Variants in MEPE observed in about 807,000 individuals in gnomAD.
MEPE encodes matrix extracellular phosphoglycoprotein.
Under a neutral mutation model 7.3 loss-of-function variants are expected in MEPE, and 7 were observed. The observed-to-expected ratio is 0.95, with a 90% confidence interval of 0.54 to 1.79. The LOEUF is 1.79. Among genes scored for constraint, MEPE ranks in the 40% most tolerant of loss-of-function variants. MEPE has a pLI of 0.00. For missense variants in MEPE, 623 were observed against 628.2 expected (o/e 0.99, Z 0.09); for synonymous variants, 214 against 213.1 (o/e 1.00, Z -0.04).
Position 87,846,069 on chromosome 4 carries a change from A to G in MEPE, c.1201A>G (p.Lys401Glu). 2 of 1,614,058 alleles carry G rather than the reference A, an allele frequency of 1.2e-6. No homozygotes were observed. The highest frequency in any genetic ancestry group is 1.7e-6 in the Non-Finnish European group (2 of 1,179,962). ...AESTNYNEIPKNGKGSTRKGV... is the reference protein window; with the variant it reads ...AESTNYNEIPENGKGSTRKGV... ...AAGTACCAACTATAATGAAATTCCT[A>G]AAAATGGCAAAGGCAGTACCAGAAA... is the stretch of plus-strand genomic sequence containing the variant. Residue 401 changes from lysine (K) to glutamate (E), a missense_variant, in exon 4 of 4, where the codon AAA (lysine) becomes GAA (glutamate). Transcript: ENST00000361056.
chr4:87,833,381 G>A (rs1363516676), intron 1 of MEPE, among the ~76,000 whole-genome samples: 2 of 152,086 alleles, frequency 1.3e-5, no homozygotes, highest in Non-Finnish European at 2.9e-5. Context: ...CTACTGATGA[G>A]CATTAACTCA....
At chr4:87,829,889 T>G (rs375182868), upstream of MEPE, among the ~76,000 whole-genome samples, 1 of 128,430 alleles carries the variant, frequency 7.8e-6, no homozygotes, top group Non-Finnish European at 1.8e-5. Context: ...TTTTGGACTT[T>G]GCTGAAATTC....
At position 87,844,977 on chromosome 4, in the gene MEPE, C is replaced by T. The variant is rs981122912; in HGVS notation, c.109C>T (p.Gln37Ter). The T allele has an allele frequency of 2.6e-6, 4 of 1,520,870 alleles. No homozygotes were observed. The Admixed American group carries it at 9.3e-5, about 35-fold the overall frequency. 94.2% of individuals were successfully genotyped at this position (1,520,870 alleles called of 1,614,324 possible). The change falls in exon 4 of 4, where the codon CAG becomes TAG. Residue 37 changes from glutamine (Q) to a stop codon, truncating the protein, a stop_gained and splice_region_variant. Transcript: ENST00000361056. LOFTEE classifies it low-confidence loss of function (END_TRUNC). Reference protein sequence around the residue: ...TKQSCVEEQRQEEKNKDNIGF... With the variant: ...TKQSCVEEQR ...CTTCATATTGAAAATTGTATTTTAG[C>T]AGGAAGAAAAAAACAAAGACAATAT...
chr4:87,826,816 C>T (rs981851708), intron 1 of MEPE, among the ~76,000 whole-genome samples: 1 of 152,066 alleles, frequency 6.6e-6, no homozygotes, highest in Non-Finnish European at 1.5e-5. Context: ...TAATTATGTT[C>T]TTTCCCCACT....
chr4:87,839,687 A>G, intron 3 of MEPE: 1 of 1,548,216 alleles, frequency 6.5e-7, no homozygotes, highest in Non-Finnish European at 8.7e-7. Context: ...TTTTGTAGAT[A>G]ACATACAAGG....
intron 3 of MEPE, among the ~76,000 whole-genome samples, chr4:87,841,778 C>T (rs750673035): frequency 3.9e-5 from 6 of 152,164 alleles, no homozygotes; most frequent in Admixed American, 1.3e-4. Context: ...GAACACACAG[C>T]CCGAGGATGA....
At chr4:87,838,792 AGTG>A in intron 3 of MEPE, 107 bp downstream of exon 3, 2 of 943,560 alleles carry the variant, frequency 2.1e-6, no homozygotes, top group Admixed American at 2.3e-5. Context: ...TTTGAATGGA[AGTG>A]AAAAAATATA....
rs534082565 is a variant in MEPE at position 87,838,668 on chromosome 4, T to C, written c.91T>C (p.Cys31Arg). The change falls in exon 3 of 4, where the codon TGT becomes CGT. Residue 31 changes from cysteine (C) to arginine (R), a missense_variant. By Grantham distance (180) the Cys-to-Arg change is radical. Coordinates refer to ENST00000361056, the MANE Select transcript of MEPE (RefSeq NM_020203.6). ...QPQTEKTKQSCVEEQRQEEKN... is the reference protein window; with the variant it reads ...QPQTEKTKQSRVEEQRQEEKN... ...ACAGACTGAGAAAACTAAGCAAAGCTGTGTGGAAGAGCAGAGGGTAAACAG... is the reference window on the plus strand; with the variant it reads ...ACAGACTGAGAAAACTAAGCAAAGCCGTGTGGAAGAGCAGAGGGTAAACAG... 6.2e-7 allele frequency: 1 copy of C among 1,613,572 alleles called. No individual in the cohort carries two copies. Among genetic ancestry groups the C allele is most frequent in the South Asian group, 1.1e-5 (1 of 91,038 alleles).
At chr4:87,831,225 G>C (rs540301798), upstream of MEPE, among the ~76,000 whole-genome samples, 1 of 152,096 alleles carries the variant, frequency 6.6e-6, no homozygotes, top group Non-Finnish European at 1.5e-5. Flanking sequence ...CACTGGAAAG[G>C]CTTATTCTAG....
chr4:87,841,071 C>T (rs1260136340), intron 3 of MEPE, among the ~76,000 whole-genome samples: 1 of 152,128 alleles, frequency 6.6e-6, no homozygotes, highest in Non-Finnish European at 1.5e-5. Flanking sequence ...TAAAATTATT[C>T]TACTCAGTCT....
chr4:87,839,867 T>C, intron 3 of MEPE: 1 of 1,543,574 alleles, frequency 6.5e-7, no homozygotes, highest in Non-Finnish European at 8.7e-7. Context: ...AGTTTACTTT[T>C]GCTTGCTCTG....
intron 1 of MEPE, among the ~76,000 whole-genome samples, chr4:87,826,245 A>T (rs1722462518): frequency 6.7e-6 from 1 of 149,672 alleles, no homozygotes; most frequent in Non-Finnish European, 1.5e-5. Context: ...TTTGAGACAG[A>T]GTCTTACGCT....
At chr4:87,837,559 G>A (rs1722847052) in intron 2 of MEPE, 1 of 152,250 alleles carries the variant, frequency 6.6e-6, no homozygotes. Context: ...TCTTCAGGAA[G>A]AACACTTTCC....
intron 3 of MEPE, among the ~76,000 whole-genome samples, chr4:87,842,211 C>T (rs1723040926): frequency 6.6e-6 from 1 of 152,170 alleles, no homozygotes; most frequent in African/African-American, 2.4e-5. Flanking sequence ...TTTGGCAATT[C>T]CTGCCTACTG....
At chr4:87,844,844 C>T (rs1262073636) in intron 3 of MEPE, 133 bp from the exon 4 acceptor site, 2 of 656,810 alleles carry the variant, frequency 3.0e-6, no homozygotes, top group Non-Finnish European at 4.7e-6. Flanking sequence ...TGACCTCTAC[C>T]AGTAAACCTC....
At chr4:87,829,931 T>G (rs1410002864), upstream of MEPE, among the ~76,000 whole-genome samples, 1 of 151,060 alleles carries the variant, frequency 6.6e-6, no homozygotes, top group Non-Finnish European at 1.5e-5. Context: ...TTATTTTCAG[T>G]TGGAGAAACT....
intron 3 of MEPE, 58 bp from the exon 4 acceptor site, chr4:87,844,919 A>C (rs1723151696): frequency 8.0e-7 from 1 of 1,248,954 alleles, no homozygotes. Flanking sequence ...CCTAAGAATT[A>C]TTATATTTTA....
intron 2 of MEPE, 50 bp downstream of exon 2, chr4:87,834,818 C>A: frequency 6.7e-7 from 1 of 1,501,238 alleles, no homozygotes; most frequent in Non-Finnish European, 9.1e-7. Context: ...TTGCTCTCTT[C>A]ATTTGTTTTT....
At position 87,845,466 on chromosome 4, in the gene MEPE, G is replaced by T. The variant is rs759463263; in HGVS notation, c.598G>T (p.Asp200Tyr). ...HSKDKKKPQR[D>Y]SQAQKSPVKS... is the part of the protein sequence containing the mutation. The stretch of plus-strand genomic sequence containing the variant: ...GAAGGATAAAAAGAAGCCTCAAAGA[G>T]ATTCCCAAGCCCAGAAAAGTCCAGT... Residue 200 changes from aspartate to tyrosine, a missense_variant, in exon 4 of 4, where the codon GAT becomes TAT. Asp to Tyr is a radical substitution (Grantham distance 160). Transcript: ENST00000361056. The T allele has an allele frequency of 6.2e-7, 1 of 1,613,818 alleles. No homozygotes were observed. Among genetic ancestry groups the T allele is most frequent in the Non-Finnish European group, 8.5e-7 (1 of 1,179,958 alleles).
Sources: gnomAD v4.1 joint callset for allele counts (sites outside exome capture counted in the v4.1 genomes callset) on GRCh38, gnomAD v4.1.1 for gene constraint, MANE v1.5 for transcripts, NCBI Gene and HGNC (gene_info 2026-07-23, HGNC 2026-07-21) for gene names.